The following ELOVL6 variants were observed in gnomAD, a reference collection of about 807,000 sequenced individuals.
The protein encoded by ELOVL6 is ELOVL fatty acid elongase 6.
Under a neutral mutation model 31.7 loss-of-function variants are expected in ELOVL6, and 8 were observed. The ratio of observed to expected loss-of-function variants is 0.25; its 90% CI spans 0.15 to 0.45. The LOEUF (loss-of-function observed/expected upper bound fraction) is 0.45. Ranked by LOEUF, ELOVL6 falls within the 20% of genes least tolerant of loss-of-function variation. The pLI is 1.00. For missense variants in ELOVL6, 126 were observed against 326.4 expected, an observed-to-expected ratio of 0.39 and a Z score of 4.73; for synonymous variants, 101 against 117.7, an observed-to-expected ratio of 0.86 and a Z score of 0.92.
intron 1 of ELOVL6, among the ~76,000 whole-genome samples, chr4:110,140,710 A>T (rs1757929037): frequency 6.6e-6 from 1 of 151,700 alleles, no homozygotes; most frequent in Non-Finnish European, 1.5e-5. Flanking sequence ...CTTATTGCCC[A>T]AGTGACTTCA....
intron 1 of ELOVL6, among the ~76,000 whole-genome samples, chr4:110,157,497 C>G (rs371842638): frequency 2.0e-5 from 3 of 152,120 alleles, no homozygotes; most frequent in African/African-American, 7.2e-5. Flanking sequence ...ATAGTGAAAC[C>G]CCGTCTCTAC....
At chr4:110,173,447 AC>A (rs1433896882) in intron 1 of ELOVL6, among the ~76,000 whole-genome samples, 1 of 151,232 alleles carries the variant, frequency 6.6e-6, no homozygotes, top group Admixed American at 6.6e-5. Flanking sequence ...ATTGTATTAG[AC>A]CTGATAAGAA....
chr4:110,193,496 TTGG>T (rs1759684635), intron 1 of ELOVL6, among the ~76,000 whole-genome samples: 1 of 152,070 alleles, frequency 6.6e-6, no homozygotes, highest in African/African-American at 2.4e-5. Flanking sequence ...TCCCAGCTGC[TTGG>T]GAGGTTGAGA....
intron 2 of ELOVL6, among the ~76,000 whole-genome samples, chr4:110,061,313 C>T (rs902669943): frequency 6.6e-6 from 1 of 152,144 alleles, no homozygotes; most frequent in Non-Finnish European, 1.5e-5. Flanking sequence ...CAGACACTTT[C>T]AGTTTTCTGC....
intron 2 of ELOVL6, among the ~76,000 whole-genome samples, chr4:110,064,657 A>T (rs921708504): frequency 3.5e-4 from 52 of 149,700 alleles, no homozygotes; most frequent in Admixed American, 1.3e-3. Flanking sequence ...CATATTAGAA[A>T]TTTTTTTTTT....
intron 1 of ELOVL6, among the ~76,000 whole-genome samples, chr4:110,130,106 C>T (rs10009914): frequency 0.022 from 3,393 of 151,918 alleles, 126 homozygotes; most frequent in African/African-American, 0.078. Flanking sequence ...CCATGTTGGC[C>T]AGGATGGTCT....
rs543357472 is a variant in ELOVL6, at chr4:110,156,398, T to A, written c.89+41849A>T. 2.7e-3 allele frequency among the ~76,000 whole-genome samples: 406 copies of A among 152,012 alleles called. 3 individuals carry two copies. Among genetic ancestry groups the A allele is most frequent in the Middle Eastern group, 0.024 (7 of 294 alleles). ...AAATCTTACTAAATATTAACACAAATAAAAGGGTTCTGGCTGGGCACAGTG... is the reference window on the plus strand; with the variant it reads ...AAATCTTACTAAATATTAACACAAAAAAAAGGGTTCTGGCTGGGCACAGTG... On this transcript the variant is annotated intron_variant, in intron 1 of 3. Transcript: ENST00000302274.
intron 1 of ELOVL6, among the ~76,000 whole-genome samples, chr4:110,154,623 A>G (rs185701758): frequency 6.6e-6 from 1 of 152,346 alleles, no homozygotes; most frequent in African/African-American, 2.4e-5. Context: ...TCTTGATGTG[A>G]ACATGTGATT....
chr4:110,062,277 C>T (rs1302089611), intron 2 of ELOVL6, among the ~76,000 whole-genome samples: 1 of 152,184 alleles, frequency 6.6e-6, no homozygotes, highest in Non-Finnish European at 1.5e-5. Flanking sequence ...CATATCTGGA[C>T]ATGTGCCTCA....
At chr4:110,124,522 G>A (rs1334153953) in intron 1 of ELOVL6, among the ~76,000 whole-genome samples, 2 of 152,024 alleles carry the variant, frequency 1.3e-5, no homozygotes, top group South Asian at 2.1e-4. Context: ...ACATGGACAC[G>A]AGGAAGGGAA....
chr4:110,086,313 G>A (rs1756262293), intron 2 of ELOVL6, among the ~76,000 whole-genome samples: 2 of 152,100 alleles, frequency 1.3e-5, no homozygotes, highest in African/African-American at 4.8e-5. Flanking sequence ...TCCCAAAATA[G>A]GGATGTGGTT....
intron 2 of ELOVL6, among the ~76,000 whole-genome samples, chr4:110,066,453 G>A (rs370984570): frequency 7.3e-5 from 11 of 151,562 alleles, no homozygotes; most frequent in South Asian, 2.1e-4. Flanking sequence ...TGGCTAACAC[G>A]GTGAAACCCC....
intron 1 of ELOVL6, chr4:110,198,003 A>G (rs1759865122): frequency 3.4e-6 from 2 of 589,992 alleles, no homozygotes; most frequent in Non-Finnish European, 6.0e-6. Context: ...TCTGTGTTAT[A>G]TAATCTATAT....
intron 1 of ELOVL6, among the ~76,000 whole-genome samples, chr4:110,113,082 G>C (rs1389738786): frequency 6.6e-6 from 1 of 151,748 alleles, no homozygotes; most frequent in East Asian, 1.9e-4. Flanking sequence ...AAAAAAATTA[G>C]CCAGGCGTGG....
At chr4:110,184,485 C>T (rs1759383672) in intron 1 of ELOVL6, among the ~76,000 whole-genome samples, 1 of 152,136 alleles carries the variant, frequency 6.6e-6, no homozygotes, top group South Asian at 2.1e-4. Flanking sequence ...CTAGAGGTAA[C>T]ATTAAGAAGG....
At chr4:110,147,964 A>G (rs571622752) in intron 1 of ELOVL6, among the ~76,000 whole-genome samples, 41 of 152,270 alleles carry the variant, frequency 2.7e-4, no homozygotes, top group Non-Finnish European at 5.6e-4. Flanking sequence ...AATACAAAAA[A>G]TTAGCTGGGT....
intron 1 of ELOVL6, among the ~76,000 whole-genome samples, chr4:110,141,384 T>TCGGGAG (rs1757952407): frequency 6.6e-6 from 1 of 152,054 alleles, no homozygotes; most frequent in Admixed American, 6.6e-5. Flanking sequence ...ATATAAAAGC[T>TCGGGAG]GCCTAGGTAA....
chr4:110,116,521 T>C (rs1438471493), intron 1 of ELOVL6, among the ~76,000 whole-genome samples: 1 of 152,216 alleles, frequency 6.6e-6, no homozygotes, highest in East Asian at 1.9e-4. Context: ...CTGTATCCTT[T>C]ACAATGAACC....
chr4:110,172,595 G>C (rs1022095140), intron 1 of ELOVL6, among the ~76,000 whole-genome samples: 1 of 152,164 alleles, frequency 6.6e-6, no homozygotes, highest in Admixed American at 6.5e-5. Flanking sequence ...CACTGAGAAA[G>C]AAGAGCCTTC....
Sources: allele counts gnomAD v4.1 joint callset (sites outside exome capture counted in the v4.1 genomes callset), GRCh38; gene constraint gnomAD v4.1.1; transcripts MANE v1.5; gene names NCBI Gene and HGNC (gene_info 2026-07-23, HGNC 2026-07-21).